SLC44A2: variants seen among roughly 807,000 people sequenced by gnomAD.
The protein encoded by SLC44A2 is solute carrier family 44 member 2 (CTL2 blood group).
Under a neutral mutation model 90.8 loss-of-function variants are expected in SLC44A2, and 57 were observed. That is an observed-to-expected ratio of 0.63 (90% CI 0.51 to 0.78). The LOEUF (loss-of-function observed/expected upper bound fraction) is 0.78. Among genes scored for constraint, SLC44A2 ranks in the 30% least tolerant of loss-of-function variants. The pLI is 0.00. For synonymous variants in SLC44A2, 355 were observed against 360.7 expected (o/e 0.98, Z 0.18); for missense variants, 794 against 919.7 (o/e 0.86, Z 1.77).
intron 16 of SLC44A2, 91 bp from the exon 17 acceptor site, chr19:10,637,553 C>T: frequency 8.5e-7 from 1 of 1,179,608 alleles, no homozygotes; most frequent in South Asian, 1.2e-5. Context: ...GAGACCTGGA[C>T]ATTGGCAAGT....
intron 8 of SLC44A2, 36 bp from the exon 9 acceptor site, chr19:10,631,832 G>C: frequency 6.2e-7 from 1 of 1,614,230 alleles, no homozygotes; most frequent in Non-Finnish European, 8.5e-7. Context: ...GATCATGGAA[G>C]AGGGTCTGAC....
Position 10,631,537 on chromosome 19 carries a change from T to C in SLC44A2, c.502+2T>C. 6.2e-7 allele frequency: 1 copy of C among 1,613,998 alleles called. No homozygotes were observed. Among genetic ancestry groups the C allele is most frequent in the Non-Finnish European group, 8.5e-7 (1 of 1,179,994 alleles). ...CTGTCCTCATCCCCAGCAAACCCTG[T>C]GAGTCAGGGGATCCCAGGAGGCTCA... On this transcript the variant is annotated splice_donor_variant, in intron 7 of 21. Coordinates refer to ENST00000335757, the MANE Select transcript of SLC44A2 (RefSeq NM_020428.4). LOFTEE classifies it high-confidence loss of function.
chr19:10,635,509 C>T lies in SLC44A2; in HGVS notation c.1227C>T (p.Asn409=), dbSNP rs771063737. Residue 409 remains asparagine (N), a synonymous_variant, in exon 14 of 22, where the codon AAC becomes AAT. Transcript: ENST00000335757. The stretch of plus-strand genomic sequence containing the variant: ...GCCCATTTACTGCGAAAACCTGCAA[C>T]CCAGAGGTGGGCGTCCCCGGGGTGG... ...SPCPFTAKTC[N]PETFPSSNES... The T allele has an allele frequency of 1.2e-6, 2 of 1,612,922 alleles. No homozygotes were observed. The highest frequency in any genetic ancestry group is 4.5e-5 in the East Asian group (2 of 44,870).
intron 20 of SLC44A2, among the ~76,000 whole-genome samples, chr19:10,638,916 C>T (rs2067087555): frequency 6.6e-6 from 1 of 151,918 alleles, no homozygotes; most frequent in African/African-American, 2.4e-5. Context: ...TCTCCTGCCT[C>T]AGCCTCCCGA....
intron 20 of SLC44A2, among the ~76,000 whole-genome samples, chr19:10,640,729 A>G (rs950983135): frequency 2.0e-5 from 3 of 152,150 alleles, no homozygotes; most frequent in African/African-American, 4.8e-5. Context: ...AGCCCTAAAC[A>G]TGCATAAAAT....
chr19:10,636,975 G>C, intron 16 of SLC44A2: 1 of 564,748 alleles, frequency 1.8e-6, no homozygotes. Flanking sequence ...CTGTTGAGGG[G>C]ACAGGCCCAA....
chr19:10,635,242 G>A lies in SLC44A2; in HGVS notation c.1135G>A (p.Ala379Thr), dbSNP rs747513584. ...FLLCLCIAYW[A>T]STAVFLSTSN... The stretch of plus-strand genomic sequence containing the variant: ...GCTGTGCCTCTGCATCGCCTACTGG[G>A]CCAGCACTGCTGTGTATCTGCCCCC... Residue 379 changes from alanine (A) to threonine (T), a missense_variant, in exon 13 of 22, where the codon GCC (alanine) becomes ACC (threonine). By Grantham distance (58) the Ala-to-Thr change is moderately conservative (BLOSUM62 0). This residue lies in a region of SLC44A2 where 738 missense variants were observed against 841.1 expected (regional missense o/e 0.88). Coordinates refer to ENST00000335757, the MANE Select transcript of SLC44A2 (RefSeq NM_020428.4). 8.7e-6 allele frequency: 14 copies of A among 1,613,832 alleles called. 1 individual carries two copies. The South Asian group carries it at 1.5e-4, about 18-fold the overall frequency.
intron 4 of SLC44A2, among the ~76,000 whole-genome samples, chr19:10,629,259 A>AGCTATTATTATTATT (rs1446413283): frequency 2.6e-4 from 10 of 39,126 alleles, no homozygotes; most frequent in African/African-American, 1.2e-3. Context: ...GCAGTTTTTA[A>AGCTATTATTATTATT]ACTATTATTA....
At chr19:10,609,913 C>T (rs1377387678) in intron 1 of SLC44A2, among the ~76,000 whole-genome samples, 1 of 152,128 alleles carries the variant, frequency 6.6e-6, no homozygotes, top group Non-Finnish European at 1.5e-5. Flanking sequence ...TCAAGTTATT[C>T]TCCTGCCTCA....
chr19:10,624,385 C>G (rs1452932008), upstream of SLC44A2, among the ~76,000 whole-genome samples: 1 of 152,236 alleles, frequency 6.6e-6, no homozygotes, highest in South Asian at 2.1e-4. Flanking sequence ...CTCACTGCAA[C>G]CTCCACCTCC....
intron 16 of SLC44A2, chr19:10,637,126 C>T (rs1435250669): frequency 4.8e-5 from 11 of 229,248 alleles, no homozygotes; most frequent in Admixed American, 4.1e-4. Flanking sequence ...GAGGCTGAGG[C>T]GAGCGGATCA....
chr19:10,621,728 C>T (rs938586276), upstream of SLC44A2, among the ~76,000 whole-genome samples: 2 of 152,188 alleles, frequency 1.3e-5, no homozygotes, highest in Admixed American at 6.6e-5. Flanking sequence ...AAGCGATTCT[C>T]GTGCCTCAGC....
upstream of SLC44A2, among the ~76,000 whole-genome samples, chr19:10,622,111 C>T (rs2066898953): frequency 6.6e-6 from 1 of 152,192 alleles, no homozygotes; most frequent in Non-Finnish European, 1.5e-5. Context: ...GTATGGATGT[C>T]TGAGAGAAGA....
intron 1 of SLC44A2, among the ~76,000 whole-genome samples, chr19:10,617,166 CG>C (rs1568444666): frequency 1.4e-4 from 7 of 50,676 alleles, no homozygotes; most frequent in African/African-American, 6.8e-4. Context: ...GTGATCCGCC[CG>C]CCTGGGGCTC....
At chr19:10,628,687 C>T (rs1356884103) in intron 4 of SLC44A2, among the ~76,000 whole-genome samples, 3 of 152,052 alleles carry the variant, frequency 2.0e-5, no homozygotes, top group South Asian at 2.1e-4. Context: ...ATTTTAAGGG[C>T]GGGAGAGACT....
At chr19:10,634,725 G>A in intron 10 of SLC44A2, 31 bp from the exon 11 acceptor site, 2 of 1,613,988 alleles carry the variant, frequency 1.2e-6, no homozygotes, top group Non-Finnish European at 1.7e-6. Flanking sequence ...AGGAGGCACT[G>A]CTGGACTGAG....
intron 20 of SLC44A2, among the ~76,000 whole-genome samples, chr19:10,639,004 G>A (rs1311873277): frequency 6.6e-6 from 1 of 152,072 alleles, no homozygotes; most frequent in African/African-American, 2.4e-5. Context: ...TCTCCATGTT[G>A]GTCAGGCTGG....
At chr19:10,632,694 C>T (rs1289056747) in intron 10 of SLC44A2, among the ~76,000 whole-genome samples, 1 of 148,772 alleles carries the variant, frequency 6.7e-6, no homozygotes, top group East Asian at 2.0e-4. Context: ...TTTTTTGAGA[C>T]GGAGTTCTGT....
chr19:10,608,898 G>C (rs1165259582), intron 1 of SLC44A2, among the ~76,000 whole-genome samples: 1 of 150,242 alleles, frequency 6.7e-6, no homozygotes, highest in Non-Finnish European at 1.5e-5. Context: ...CTATCCACGT[G>C]CTTCAGCCTG....
Sources: allele counts gnomAD v4.1 joint callset (sites outside exome capture counted in the v4.1 genomes callset), GRCh38; gene constraint gnomAD v4.1.1; regional missense constraint gnomAD v4.1.1; transcripts MANE v1.5; gene names NCBI Gene and HGNC (gene_info 2026-07-23, HGNC 2026-07-21).